Variants in MDM4 observed in about 807,000 individuals in gnomAD.
The protein encoded by MDM4 is protein Mdm4.
Under a neutral mutation model 60.2 loss-of-function variants are expected in MDM4, and 2 were observed. The observed-to-expected ratio is 0.03, with a 90% CI of 0.01 to 0.10. MDM4 has a LOEUF of 0.10. Ranked by LOEUF, MDM4 falls within the 10% of genes least tolerant of loss-of-function variation. MDM4 has a pLI of 1.00. For synonymous variants in MDM4, 202 were observed against 198.1 expected (o/e 1.02, Z -0.17); for missense variants, 447 against 577.5 (o/e 0.77, Z 2.32).
intron 6 of MDM4, 80 bp downstream of exon 6, chr1:204,537,577 C>A: frequency 1.0e-6 from 1 of 972,016 alleles, no homozygotes; most frequent in Non-Finnish European, 1.6e-6. Flanking sequence ...ACTCCCAAGA[C>A]CTTTCCCTGA....
At chr1:204,533,533 T>G (rs779349711) in intron 5 of MDM4, among the ~76,000 whole-genome samples, 4 of 152,066 alleles carry the variant, frequency 2.6e-5, no homozygotes, top group Non-Finnish European at 4.4e-5. Flanking sequence ...ATTTTTTGTA[T>G]TTTTAGTAGA....
At chr1:204,525,628 GTTT>G (rs139769069) in intron 2 of MDM4, 32 bp downstream of exon 2, 26 of 1,112,494 alleles carry the variant, frequency 2.3e-5, no homozygotes, top group East Asian at 2.7e-5. Flanking sequence ...TAGTTTTTTG[GTTT>G]TTTTTTTTTT....
intron 5 of MDM4, among the ~76,000 whole-genome samples, chr1:204,534,846 C>G (rs1398792964): frequency 6.6e-6 from 1 of 152,040 alleles, no homozygotes; most frequent in African/African-American, 2.4e-5. Context: ...AATAAAGTTG[C>G]AAAAGTATTG....
At position 204,522,831 on chromosome 1, in the gene MDM4, TG is replaced by T. The variant is rs779452107; in HGVS notation, c.-35-2652del. 3.4e-3 allele frequency among the ~76,000 whole-genome samples: 511 copies of T among 152,134 alleles called. 1 individual carries two copies. The highest frequency in any genetic ancestry group is 7.7e-3 in the Admixed American group (117 of 15,278). ...GCCTTTTCAGAAGCATGAGGGATCT[TG>T]TTATCTTCAGCCAGTGTATTTACTG... On this transcript the variant is annotated intron_variant, in intron 1 of 10. Transcript: ENST00000367182.
chr1:204,517,148 C>G (rs1354323355), intron 1 of MDM4, among the ~76,000 whole-genome samples: 1 of 151,496 alleles, frequency 6.6e-6, no homozygotes, highest in African/African-American at 2.4e-5. Context: ...GAGGCTGAGG[C>G]AGGAGAATCA....
intron 9 of MDM4, among the ~76,000 whole-genome samples, 158 bp from the exon 10 acceptor site, chr1:204,546,639 T>C (rs1662689999): frequency 6.6e-6 from 1 of 152,222 alleles, no homozygotes; most frequent in Non-Finnish European, 1.5e-5. Flanking sequence ...AAGTACAGAA[T>C]CATGTGTTTG....
At chr1:204,549,062 C>T (rs1188263665) in intron 10 of MDM4, 51 bp from the exon 11 acceptor site, 3 of 1,128,154 alleles carry the variant, frequency 2.7e-6, no homozygotes, top group Non-Finnish European at 1.3e-6. Flanking sequence ...TCCTTTTTCT[C>T]AGCATCATAT....
In MDM4 at chr1:204,544,181, G is replaced by C. The variant is rs151287635; in HGVS notation, c.673-354G>C. Reference sequence around the variant, plus strand: ...TATGTCAGAACTAATGGAATGTTTTGTAGCTTCTTAGAGTGTCACCTGTAG... The same window carrying C: ...TATGTCAGAACTAATGGAATGTTTTCTAGCTTCTTAGAGTGTCACCTGTAG... On this transcript the variant is annotated intron_variant, in intron 8 of 10. Transcript: ENST00000367182. 5.0e-3 allele frequency among the ~76,000 whole-genome samples: 757 copies of C among 152,306 alleles called. 6 individuals carry two copies. The highest frequency in any genetic ancestry group is 0.017 in the African/African-American group (715 of 41,574).
Position 204,530,832 on chromosome 1 carries a change from G to A in MDM4, c.287+15G>A, listed in dbSNP as rs1400752618. 3 of 1,614,018 alleles carry A rather than the reference G, an allele frequency of 1.9e-6. No individual in the cohort carries two copies. The Admixed American group carries it at 5.0e-5, about 27-fold the overall frequency. On this transcript the variant is annotated intron_variant, in intron 4 of 10. Transcript: ENST00000367182. Reference sequence around the variant, plus strand: ...AAAGACCCAAGGTAAAAACAGTGAGGGCTTGCGTATCTTTTTGGGTGCTTA... The same window carrying A: ...AAAGACCCAAGGTAAAAACAGTGAGAGCTTGCGTATCTTTTTGGGTGCTTA...
Position 204,550,025 on chromosome 1 carries a change from C to G in MDM4, c.*343C>G, listed in dbSNP as rs1663053869. ...TTTCCTTCTAACGAGTTGTAGAAAT[C>G]TGAGTAACCACCCAAAAAAGCAATA... On this transcript the variant is annotated 3_prime_UTR_variant, in exon 11 of 11. Coordinates refer to ENST00000367182, the MANE Select transcript of MDM4 (RefSeq NM_002393.5). 4.0e-6 allele frequency: 1 copy of G among 247,524 alleles called. No homozygotes were observed. The highest frequency in any genetic ancestry group is 1.6e-4 in the South Asian group (1 of 6,194). The allele number at this position is 247,524 out of a possible 1,614,324, so 15.3% of individuals were successfully genotyped here. A position where few individuals can be genotyped will look rare whatever the true frequency, so the allele number is the denominator to read the frequency against.
At chr1:204,540,742 G>A (rs1661990743) in intron 7 of MDM4, among the ~76,000 whole-genome samples, 1 of 152,128 alleles carries the variant, frequency 6.6e-6, no homozygotes, top group Admixed American at 6.6e-5. Flanking sequence ...CAGCCTGGGG[G>A]ACAAGAGCAA....
Position 204,558,113 on chromosome 1 carries a change from T to C in MDM4, c.*8431T>C. The C allele has an allele frequency of 5.6e-6, 1 of 177,950 alleles. No individual in the cohort carries two copies. Among genetic ancestry groups the C allele is most frequent in the Non-Finnish European group, 1.2e-5 (1 of 82,844 alleles). The allele number at this position is 177,950 out of a possible 1,614,324, so 11.0% of individuals were successfully genotyped here. On this transcript the variant is annotated 3_prime_UTR_variant, in exon 11 of 11. Coordinates refer to ENST00000367182, the MANE Select transcript of MDM4 (RefSeq NM_002393.5). ...TTTTTTATGTATTAAATGTTTTTCCTTTTGCCATTGTGTGTTGTCATTATT... is the reference window on the plus strand; with the variant it reads ...TTTTTTATGTATTAAATGTTTTTCCCTTTGCCATTGTGTGTTGTCATTATT...
intron 3 of MDM4, chr1:204,529,034 G>T: frequency 1.3e-6 from 2 of 1,504,172 alleles, no homozygotes; most frequent in South Asian, 2.3e-5. Context: ...GTAGCTGGGT[G>T]AACTGGGGGC....
In MDM4 at chr1:204,551,700, A is replaced by G; in HGVS notation, c.*2018A>G. 4.3e-6 allele frequency: 1 copy of G among 230,676 alleles called. No homozygotes were observed. Among genetic ancestry groups the G allele is most frequent in the Non-Finnish European group, 8.6e-6 (1 of 116,590 alleles). 14.3% of individuals were successfully genotyped at this position (230,676 alleles called of 1,614,324 possible). Reference sequence around the variant, plus strand: ...TATGCATGTGTCATTTTGAAGACCAAGGCCCTAGAATTGTCAAACTTAAGG... The same window carrying G: ...TATGCATGTGTCATTTTGAAGACCAGGGCCCTAGAATTGTCAAACTTAAGG... On this transcript the variant is annotated 3_prime_UTR_variant, in exon 11 of 11. Transcript: ENST00000367182.
intron 1 of MDM4, among the ~76,000 whole-genome samples, chr1:204,519,173 A>G (rs538262771): frequency 6.6e-6 from 1 of 152,238 alleles, no homozygotes; most frequent in South Asian, 2.1e-4. Context: ...GAGGGGATAG[A>G]CCACGTGTTT....
intron 3 of MDM4, chr1:204,529,551 C>G: frequency 6.1e-6 from 9 of 1,483,212 alleles, no homozygotes; most frequent in Non-Finnish European, 8.2e-6. Flanking sequence ...AGGGGCAGGA[C>G]CCCCATAGCC....
At position 204,552,823 on chromosome 1, in the gene MDM4, C is replaced by T. The variant is rs566261546; in HGVS notation, c.*3141C>T. 4 of 180,174 alleles carry T rather than the reference C, an allele frequency of 2.2e-5. No individual in the cohort carries two copies. The highest frequency in any genetic ancestry group is 4.0e-4 in the South Asian group (2 of 5,048). 11.2% of individuals were successfully genotyped at this position (180,174 alleles called of 1,614,324 possible). ...ACGATCCTAAGATATGTGCTTGAGC[C>T]GAATTTCATCTTTACTTGTAGGAAA... On this transcript the variant is annotated 3_prime_UTR_variant, in exon 11 of 11. Transcript: ENST00000367182.
chr1:204,532,226 C>G lies in MDM4; in HGVS notation c.323C>G (p.Thr108Ser). 1 of 1,603,354 alleles carries G rather than the reference C, an allele frequency of 6.2e-7. No individual in the cohort carries two copies. Among genetic ancestry groups the G allele is most frequent in the Non-Finnish European group, 8.5e-7 (1 of 1,170,906 alleles). ...LYDMLRKNLV[T>S]LATATTDAAQ... ...GATATGCTAAGAAAGAATCTTGTCA[C>G]TTTAGCCACTGCTACTACAGGTATG... Residue 108 changes from threonine to serine, a missense_variant, in exon 5 of 11, where the codon ACT (threonine) becomes AGT (serine). Thr to Ser is a moderately conservative substitution (Grantham distance 58). Transcript: ENST00000367182.
In MDM4 at chr1:204,554,048, GTAT is replaced by G. The variant is rs768411777; in HGVS notation, c.*4371_*4373del. 21 of 227,064 alleles carry G rather than the reference GTAT, an allele frequency of 9.2e-5. No homozygotes were observed. Among genetic ancestry groups the G allele is most frequent in the Non-Finnish European group, 1.5e-4 (17 of 114,354 alleles). 14.1% of individuals were successfully genotyped at this position (227,064 alleles called of 1,614,324 possible). ...TTAGATGTATGTAGTGCATTGTGTG[GTAT>G]TATTTGGTTTGTAAGAATTTATTTT... On this transcript the variant is annotated 3_prime_UTR_variant, in exon 11 of 11. Transcript: ENST00000367182.
Sources: gnomAD v4.1 joint callset for allele counts (sites outside exome capture counted in the v4.1 genomes callset) on GRCh38, gnomAD v4.1.1 for gene constraint, MANE v1.5 for transcripts, NCBI Gene and HGNC (gene_info 2026-07-23, HGNC 2026-07-21) for gene names.